The following PDGFC variants were observed in gnomAD, a reference collection of about 807,000 sequenced individuals.
PDGFC encodes platelet derived growth factor C, also known as platelet-derived growth factor C.
In PDGFC, 12 loss-of-function variants were observed where a neutral mutation model predicts 35.5. The ratio of observed to expected loss-of-function variants is 0.34; its 90% CI spans 0.22 to 0.55. The LOEUF (loss-of-function observed/expected upper bound fraction) is 0.55, where lower values mean the gene tolerates loss of function less well. PDGFC is among the 20% of genes least tolerant of loss of function. PDGFC has a pLI of 0.91. For synonymous variants in PDGFC, 159 were observed against 148.8 expected (o/e 1.07, Z -0.50); for missense variants, 322 against 412.4 (o/e 0.78, Z 1.90).
intron 1 of PDGFC, among the ~76,000 whole-genome samples, chr4:156,863,726 T>A (rs1729770147): frequency 6.6e-6 from 1 of 152,082 alleles, no homozygotes; most frequent in Non-Finnish European, 1.5e-5. Flanking sequence ...AGATTATAAA[T>A]ACCGTTCCCG....
chr4:156,855,086 T>C (rs1177342035), intron 1 of PDGFC, among the ~76,000 whole-genome samples: 1 of 152,108 alleles, frequency 6.6e-6, no homozygotes, highest in Non-Finnish European at 1.5e-5. Flanking sequence ...AACTGTTGAC[T>C]ATATGTGTAT....
intron 1 of PDGFC, among the ~76,000 whole-genome samples, chr4:156,889,954 A>G (rs1167904703): frequency 6.6e-6 from 1 of 152,202 alleles, no homozygotes; most frequent in Non-Finnish European, 1.5e-5. Context: ...GCTATGTGGT[A>G]ACTTATTTGA....
intron 1 of PDGFC, among the ~76,000 whole-genome samples, chr4:156,940,162 C>T (rs1459388281): frequency 6.6e-6 from 1 of 152,010 alleles, no homozygotes; most frequent in African/African-American, 2.4e-5. Context: ...TGAAATCTAC[C>T]TAGTTATTAC....
At chr4:156,892,359 A>G (rs1354195515) in intron 1 of PDGFC, among the ~76,000 whole-genome samples, 8 of 152,190 alleles carry the variant, frequency 5.3e-5, no homozygotes, top group Admixed American at 3.9e-4. Context: ...CTAAAACTCA[A>G]TACATCAAAA....
At chr4:156,912,187 C>G (rs1037176544) in intron 1 of PDGFC, among the ~76,000 whole-genome samples, 1 of 151,952 alleles carries the variant, frequency 6.6e-6, no homozygotes, top group African/African-American at 2.4e-5. Flanking sequence ...TATAGGAAAT[C>G]AAGATTGAAC....
At chr4:156,918,830 A>G (rs999278581) in intron 1 of PDGFC, among the ~76,000 whole-genome samples, 1 of 152,238 alleles carries the variant, frequency 6.6e-6, no homozygotes, top group African/African-American at 2.4e-5. Flanking sequence ...TAGACTGTAC[A>G]TCCTTGAAAG....
At chr4:156,830,804 T>C (rs1363097124) in intron 2 of PDGFC, among the ~76,000 whole-genome samples, 1 of 152,194 alleles carries the variant, frequency 6.6e-6, no homozygotes, top group East Asian at 1.9e-4. Flanking sequence ...TCAATTAAGT[T>C]ATTTACTACC....
At position 156,761,906 on chromosome 4, in the gene PDGFC, G is replaced by C. The variant is rs1730385813; in HGVS notation, c.*1184C>G. ...CTGCACAGCACAGCACGCTTTATCA[G>C]GAAGCTGCCAAGTCTTTTTCAAGGT... On this transcript the variant is annotated 3_prime_UTR_variant, in exon 6 of 6. Transcript: ENST00000502773. 6.6e-6 allele frequency: 1 copy of C among 152,604 alleles called. No homozygotes were observed. The highest frequency in any genetic ancestry group is 1.9e-4 in the East Asian group (1 of 5,178). 9.5% of individuals were successfully genotyped at this position (152,604 alleles called of 1,614,324 possible).
intron 1 of PDGFC, among the ~76,000 whole-genome samples, chr4:156,907,954 A>G (rs1730955164): frequency 6.6e-6 from 1 of 152,062 alleles, no homozygotes; most frequent in Admixed American, 6.6e-5. Flanking sequence ...GGATCACAAG[A>G]TCAGGAGTTA....
At chr4:156,816,541 C>T (rs1732090941) in intron 2 of PDGFC, among the ~76,000 whole-genome samples, 1 of 152,058 alleles carries the variant, frequency 6.6e-6, no homozygotes, top group African/African-American at 2.4e-5. Context: ...TTCTTAGGTA[C>T]TTTTTATATA....
chr4:156,813,516 G>A (rs1362058993), intron 2 of PDGFC, among the ~76,000 whole-genome samples: 2 of 151,998 alleles, frequency 1.3e-5, no homozygotes, highest in Non-Finnish European at 2.9e-5. Flanking sequence ...TCAGAGTATT[G>A]ACTGACAAGG....
chr4:156,955,488 C>T (rs1732186348), intron 1 of PDGFC, among the ~76,000 whole-genome samples: 1 of 151,904 alleles, frequency 6.6e-6, no homozygotes, highest in African/African-American at 2.4e-5. Flanking sequence ...TCAAAACATT[C>T]CATTTTATTT....
At chr4:156,938,265 G>T (rs1731728718) in intron 1 of PDGFC, among the ~76,000 whole-genome samples, 1 of 152,120 alleles carries the variant, frequency 6.6e-6, no homozygotes, top group East Asian at 1.9e-4. Context: ...AGATACCAAG[G>T]TATTCACTGT....
chr4:156,894,951 T>C (rs1056588426), intron 1 of PDGFC, among the ~76,000 whole-genome samples: 1 of 152,194 alleles, frequency 6.6e-6, no homozygotes, highest in African/African-American at 2.4e-5. Context: ...TAATTCTGCA[T>C]GCAAATGAGT....
intron 1 of PDGFC, among the ~76,000 whole-genome samples, chr4:156,866,970 G>A (rs116017986): frequency 6.6e-6 from 1 of 152,088 alleles, no homozygotes; most frequent in Admixed American, 6.6e-5. Context: ...ACTGAGTGTT[G>A]TAAGTGGAAT....
chr4:156,883,288 T>G (rs1730291409), intron 1 of PDGFC, among the ~76,000 whole-genome samples: 5 of 152,208 alleles, frequency 3.3e-5, no homozygotes, highest in Admixed American at 3.3e-4. Context: ...GGTCCAACTC[T>G]GTTTACATAT....
chr4:156,804,587 AT>A (rs1731707703), intron 3 of PDGFC, among the ~76,000 whole-genome samples: 1 of 151,882 alleles, frequency 6.6e-6, no homozygotes. Context: ...CACATACTGC[AT>A]TTTTATAGGT....
At chr4:156,850,105 G>T in intron 2 of PDGFC, 116 bp downstream of exon 2, 1 of 531,180 alleles carries the variant, frequency 1.9e-6, no homozygotes, top group Non-Finnish European at 3.1e-6. Context: ...AAATTTCTTA[G>T]ATCATCAGAA....
At chr4:156,939,606 C>T (rs939332613) in intron 1 of PDGFC, among the ~76,000 whole-genome samples, 1 of 152,012 alleles carries the variant, frequency 6.6e-6, no homozygotes, top group African/African-American at 2.4e-5. Flanking sequence ...AATATATGCA[C>T]AAAATGTTTT....
Sources: gnomAD v4.1 joint callset for allele counts (sites outside exome capture counted in the v4.1 genomes callset) on GRCh38, gnomAD v4.1.1 for gene constraint, MANE v1.5 for transcripts, NCBI Gene and HGNC (gene_info 2026-07-23, HGNC 2026-07-21) for gene names.